Variants in ASPM observed in about 807,000 individuals in gnomAD.
The protein encoded by ASPM is abnormal spindle-like microcephaly-associated protein.
Under a neutral mutation model 366.4 loss-of-function variants are expected in ASPM, and 256 were observed. The ratio of observed to expected loss-of-function variants is 0.70; its 90% CI spans 0.63 to 0.77. The LOEUF (loss-of-function observed/expected upper bound fraction) is 0.77. Among genes scored for constraint, ASPM ranks in the 30% least tolerant of loss-of-function variants. The pLI, the probability that ASPM is intolerant of heterozygous loss-of-function variation, is 0.00. For synonymous variants in ASPM, 1,414 were observed against 1,342.9 expected (o/e 1.05, Z -1.16); for missense variants, 4,146 against 4,090.4 (o/e 1.01, Z -0.37).
chr1:197,139,156 T>A (rs1051921740), intron 4 of ASPM: 33 of 934,262 alleles, frequency 3.5e-5, no homozygotes, highest in Admixed American at 2.7e-4. Context: ...TCCACATTGG[T>A]ACAAAGAAGC....
chr1:197,124,366 T>C (rs369438305), intron 12 of ASPM, 35 bp from the exon 13 acceptor site: 4 of 1,356,060 alleles, frequency 2.9e-6, no homozygotes, highest in Non-Finnish European at 4.2e-6. Context: ...AATACCTTCA[T>C]ATTTTCCATA....
At chr1:197,095,938 A>G in intron 19 of ASPM, 60 bp downstream of exon 19, 2 of 1,384,262 alleles carry the variant, frequency 1.4e-6, no homozygotes, top group Non-Finnish European at 1.0e-6. Context: ...TATTTTATGT[A>G]AAGACTTAGC....
chr1:197,094,388 A>G (rs928871269), intron 19 of ASPM, among the ~76,000 whole-genome samples: 1 of 151,832 alleles, frequency 6.6e-6, no homozygotes, highest in Non-Finnish European at 1.5e-5. Flanking sequence ...ACAATTGGCA[A>G]TATTCCAGTG....
chr1:197,125,327 T>A (rs1658058046), intron 10 of ASPM, 136 bp from the exon 11 acceptor site: 1 of 1,074,052 alleles, frequency 9.3e-7, no homozygotes, highest in East Asian at 2.6e-5. Context: ...CAAAAAACTA[T>A]CTCAAAACTC....
At position 197,090,406 on chromosome 1, in the gene ASPM, G is replaced by T; in HGVS notation, c.9637-18C>A. 1 of 1,567,028 alleles carries T rather than the reference G, an allele frequency of 6.4e-7. No homozygotes were observed. Among genetic ancestry groups the T allele is most frequent in the Non-Finnish European group, 8.7e-7 (1 of 1,145,536 alleles). On this transcript the variant is annotated intron_variant, in intron 23 of 27. Transcript: ENST00000367409. ...CATAATGCCTTAAAGAGATAAAACAGAGTAATTTTAAGATTATAGCCAATG... is the reference window on the plus strand; with the variant it reads ...CATAATGCCTTAAAGAGATAAAACATAGTAATTTTAAGATTATAGCCAATG...
At position 197,104,955 on chromosome 1, in the gene ASPM, T is replaced by G. The variant is rs757612762; in HGVS notation, c.4296A>C (p.Arg1432Ser). Residue 1432 changes from arginine (R) to serine (S), a missense_variant, in exon 18 of 28, where the codon AGA (arginine) becomes AGC (serine). Physicochemically the swap from Arg to Ser is moderately radical, Grantham distance 110. Transcript: ENST00000367409. ...ATTGCATTTTACGTTGCTTCCATTT[T>G]CTGAACATAGATTGGATTATAAGAG... ...SSTLIIQSMF[R>S]KWKQRKMQSQ... 33 of 1,612,308 alleles carry G rather than the reference T, an allele frequency of 2.0e-5. No individual in the cohort carries two copies. The highest frequency in any genetic ancestry group is 2.6e-5 in the Non-Finnish European group (31 of 1,179,162).
chr1:197,088,976 C>A (rs544602546), intron 25 of ASPM, among the ~76,000 whole-genome samples: 1 of 151,156 alleles, frequency 6.6e-6, no homozygotes, highest in East Asian at 1.9e-4. Context: ...GTGAAATTTG[C>A]ATGGTAACAA....
At chr1:197,119,148 A>G (rs1184930842) in intron 16 of ASPM, among the ~76,000 whole-genome samples, 4 of 152,200 alleles carry the variant, frequency 2.6e-5, no homozygotes, top group Non-Finnish European at 4.4e-5. Flanking sequence ...CATAAATACT[A>G]AGGAATGGTA....
chr1:197,142,876 G>C lies in ASPM; in HGVS notation c.1376C>G (p.Ser459Ter). 2.5e-6 allele frequency: 4 copies of C among 1,612,656 alleles called. No homozygotes were observed. Among genetic ancestry groups the C allele is most frequent in the Non-Finnish European group, 3.4e-6 (4 of 1,178,756 alleles). Residue 459 changes from serine to a stop codon, truncating the protein, a stop_gained, in exon 3 of 28, where the codon TCA becomes TGA. Coordinates refer to ENST00000367409, the MANE Select transcript of ASPM (RefSeq NM_018136.5). LOFTEE classifies it high-confidence loss of function. ...AIFEELVEMK[S>*]NYYSFIKQNN... The stretch of plus-strand genomic sequence containing the variant: ...TTGTTTTATAAAACTGTAGTAATTT[G>C]ACTTCATTTCTACTAGTTCTTCAAA...
intron 22 of ASPM, 50 bp from the exon 23 acceptor site, chr1:197,091,091 A>T (rs745478575): frequency 1.3e-4 from 180 of 1,368,376 alleles, no homozygotes; most frequent in African/African-American, 1.2e-3. Context: ...AGGTTTTTTT[A>T]AAAAAATATA....
In ASPM at chr1:197,122,893, T is replaced by C. The variant is rs138191108; in HGVS notation, c.3391-298A>G. The stretch of plus-strand genomic sequence containing the variant: ...CCACCTAGTTTGCTGTAATTTGCTA[T>C]GGTAGTCTTAGGAAACTACAACAAC... On this transcript the variant is annotated intron_variant, in intron 13 of 27. Coordinates refer to ENST00000367409, the MANE Select transcript of ASPM (RefSeq NM_018136.5). Among the ~76,000 whole-genome samples, 963 of 152,308 alleles carry C rather than the reference T, an allele frequency of 6.3e-3. 9 individuals carry two copies. The highest frequency in any genetic ancestry group is 0.022 in the African/African-American group (897 of 41,578).
At chr1:197,124,523 C>T (rs953054287) in intron 12 of ASPM, among the ~76,000 whole-genome samples, 192 bp from the exon 13 acceptor site, 26 of 151,016 alleles carry the variant, frequency 1.7e-4, no homozygotes, top group African/African-American at 6.3e-4. Context: ...TTTTTTTCCC[C>T]AAAGGCAAAC....
In ASPM at chr1:197,100,902, C is replaced by G. The variant is rs764359670; in HGVS notation, c.8349G>C (p.Gln2783His). 1 of 1,612,706 alleles carries G rather than the reference C, an allele frequency of 6.2e-7. No homozygotes were observed. The highest frequency in any genetic ancestry group is 1.7e-5 in the Admixed American group (1 of 59,796). Residue 2783 changes from glutamine to histidine, a missense_variant, in exon 18 of 28, where the codon CAG becomes CAC. By Grantham distance (24) the Gln-to-His change is conservative. Around this residue, in one of 3 missense-constraint regions of ASPM, gnomAD observed 3,624 missense variants for 3,591.7 expected, o/e 1.01. Transcript: ENST00000367409. ...SALCCYRSKT[Q>H]YEAVQSEGVM... ...CACCTTCACTTTGAACAGCTTCATA[C>G]TGAGTTTTACTTCTGTAACAGCAGA...
intron 10 of ASPM, among the ~76,000 whole-genome samples, chr1:197,126,937 G>A (rs1175496852): frequency 2.0e-5 from 3 of 152,066 alleles, no homozygotes; most frequent in Non-Finnish European, 4.4e-5. Context: ...CTGAATATTG[G>A]CAAGTTTTTA....
At chr1:197,132,099 G>A (rs1192069493) in intron 7 of ASPM, among the ~76,000 whole-genome samples, 186 bp downstream of exon 7, 1 of 151,918 alleles carries the variant, frequency 6.6e-6, no homozygotes, top group Non-Finnish European at 1.5e-5. Flanking sequence ...AATATATAAT[G>A]GCATAGTCTA....
Position 197,105,159 on chromosome 1 carries a change from T to C in ASPM, c.4092A>G (p.Arg1364=). 2.5e-6 allele frequency: 4 copies of C among 1,607,408 alleles called. No individual in the cohort carries two copies. Among genetic ancestry groups the C allele is most frequent in the Non-Finnish European group, 3.4e-6 (4 of 1,174,972 alleles). Residue 1364 remains arginine, a synonymous_variant, in exon 18 of 28, where the codon AGA becomes AGG. Coordinates refer to ENST00000367409, the MANE Select transcript of ASPM (RefSeq NM_018136.5). ...IQGYWRRYST[R]QRFLKLKYYS... ...AATATTTCAATTTCAGAAATCTTTG[T>C]CTAGTGGAATATCTTCTCCAATATC...
intron 10 of ASPM, 108 bp from the exon 11 acceptor site, chr1:197,125,299 T>C (rs990185839): frequency 7.4e-7 from 1 of 1,347,556 alleles, no homozygotes; most frequent in Non-Finnish European, 1.0e-6. Context: ...TTACAGGGCT[T>C]TATGATCAGA....
chr1:197,102,891 G>A lies in ASPM; in HGVS notation c.6360C>T (p.Ala2120=), dbSNP rs1657245799. The part of the protein sequence containing the change: ...RRHIQHMHRA[A]TFIKAMFKMH... The stretch of plus-strand genomic sequence containing the variant: ...TTTTAAACATGGCTTTAATAAAAGT[G>A]GCTGCCCTGTGCATGTGTTGAATAT... The change falls in exon 18 of 28, where the codon GCC becomes GCT. Residue 2120 remains alanine, a synonymous_variant. Transcript: ENST00000367409. 3 of 1,612,484 alleles carry A rather than the reference G, an allele frequency of 1.9e-6. No homozygotes were observed. Among genetic ancestry groups the A allele is most frequent in the Non-Finnish European group, 2.5e-6 (3 of 1,179,218 alleles).
chr1:197,113,072 A>G (rs1387406562), intron 17 of ASPM, among the ~76,000 whole-genome samples: 2 of 152,192 alleles, frequency 1.3e-5, no homozygotes, highest in East Asian at 1.9e-4. Flanking sequence ...AGTAATGTGC[A>G]TTTAGCTGGA....
Sources: gnomAD v4.1 joint callset for allele counts (sites outside exome capture counted in the v4.1 genomes callset) on GRCh38, gnomAD v4.1.1 for gene constraint, gnomAD v4.1.1 regional missense constraint, MANE v1.5 for transcripts, NCBI Gene and HGNC (gene_info 2026-07-23, HGNC 2026-07-21) for gene names.